FAM13A: variants seen among roughly 807,000 people sequenced by gnomAD.
FAM13A encodes family with sequence similarity 13 member A.
FAM13A carries 76 observed loss-of-function variants against 129.6 expected under a neutral mutation model. The observed-to-expected ratio is 0.59, with a 90% confidence interval of 0.49 to 0.71. FAM13A has a LOEUF of 0.71. FAM13A is among the 30% of genes least tolerant of loss of function. The pLI is 0.00. For synonymous variants in FAM13A, 443 were observed against 449.9 expected (o/e 0.98, Z 0.20); for missense variants, 1,108 against 1,249.3 (o/e 0.89, Z 1.70).
chr4:88,799,457 T>C (rs1726959216), intron 8 of FAM13A, among the ~76,000 whole-genome samples: 2 of 151,646 alleles, frequency 1.3e-5, no homozygotes, highest in South Asian at 2.1e-4. Flanking sequence ...AACGTAGAAC[T>C]ACCATATGCT....
At chr4:88,795,949 A>G (rs1328993253) in intron 8 of FAM13A, among the ~76,000 whole-genome samples, 4 of 151,790 alleles carry the variant, frequency 2.6e-5, no homozygotes, top group Non-Finnish European at 5.9e-5. Context: ...TCTCAAGCTT[A>G]TCAAGAATTT....
intron 21 of FAM13A, among the ~76,000 whole-genome samples, chr4:88,735,238 T>C (rs1044012564): frequency 6.6e-6 from 1 of 152,176 alleles, no homozygotes; most frequent in African/African-American, 2.4e-5. Flanking sequence ...ATGTAATAAA[T>C]TGATAATAGC....
chr4:88,906,424 T>G lies in FAM13A; in HGVS notation c.798A>C (p.Thr266=), dbSNP rs781181661. ...YYKNSLPILL[T]RGLERDMPKP... Reference sequence around the variant, plus strand: ...TTGGCATGTCTCTTTCTAAGCCTCTTGTTAAAAGGATGGGCAGGGAGTTCT... The same window carrying G: ...TTGGCATGTCTCTTTCTAAGCCTCTGGTTAAAAGGATGGGCAGGGAGTTCT... The change falls in exon 6 of 24, where the codon ACA becomes ACC. Residue 266 remains threonine (T), a synonymous_variant. Coordinates refer to ENST00000264344, the MANE Select transcript of FAM13A (RefSeq NM_014883.4). The G allele has an allele frequency of 5.6e-6, 9 of 1,612,172 alleles. No individual in the cohort carries two copies. Among genetic ancestry groups the G allele is most frequent in the Non-Finnish European group, 7.6e-6 (9 of 1,178,984 alleles).
intron 2 of FAM13A, among the ~76,000 whole-genome samples, chr4:89,024,147 A>G (rs935555282): frequency 2.0e-5 from 3 of 152,248 alleles, no homozygotes; most frequent in African/African-American, 7.2e-5. Context: ...TAGTATGAAT[A>G]TTAAAAACAG....
At chr4:89,000,400 T>C (rs1764101375) in intron 3 of FAM13A, among the ~76,000 whole-genome samples, 1 of 152,192 alleles carries the variant, frequency 6.6e-6, no homozygotes, top group Admixed American at 6.5e-5. Context: ...AACATTATGC[T>C]AGATCAAAGA....
rs770919539 is a variant in FAM13A, at chr4:88,851,208, G to C, written c.844-25C>G. 1.2e-5 allele frequency: 19 copies of C among 1,526,782 alleles called. No individual in the cohort carries two copies. In the African/African-American group the frequency reaches 2.4e-4, roughly 19 times the overall value. The allele number at this position is 1,526,782 out of a possible 1,614,324, so 94.6% of individuals were successfully genotyped here. A position where few individuals can be genotyped will look rare whatever the true frequency, so the allele number is the denominator to read the frequency against. ...TCTAGAAGAAAAAAAAAAGAGGGGTGGGGGAGAGCTAGATAAATGTTAAAG... is the reference window on the plus strand; with the variant it reads ...TCTAGAAGAAAAAAAAAAGAGGGGTCGGGGAGAGCTAGATAAATGTTAAAG... On this transcript the variant is annotated intron_variant, in intron 6 of 23. Coordinates refer to ENST00000264344, the MANE Select transcript of FAM13A (RefSeq NM_014883.4).
chr4:88,773,974 G>T (rs1488188951), intron 11 of FAM13A, among the ~76,000 whole-genome samples: 2 of 152,088 alleles, frequency 1.3e-5, no homozygotes, highest in African/African-American at 4.8e-5. Context: ...CCTAAAAATG[G>T]CTATGAAGCT....
chr4:88,920,989 GAAGTTTAGAGAAAAAAGAATAAA>G (rs1324769894), intron 5 of FAM13A, among the ~76,000 whole-genome samples: 1 of 151,960 alleles, frequency 6.6e-6, no homozygotes, highest in Non-Finnish European at 1.5e-5. Context: ...AGCGAGAAGG[GAAGTTTAGAGAAAAAAGAATAAA>G]AAGAAATGAA....
intron 12 of FAM13A, 49 bp downstream of exon 12, chr4:88,767,934 A>T: frequency 8.9e-7 from 1 of 1,128,324 alleles, no homozygotes; most frequent in Admixed American, 1.7e-5. Flanking sequence ...CATGAAAATA[A>T]CCTTTTCCTG....
rs200958000 is a variant in FAM13A at position 88,970,489 on chromosome 4, TATAG to T, written c.605+20480_605+20483del. ...ATAATAATCAGATATATATCAGATA[TATAG>T]ATACACTATATATATTTGATAGATG... On this transcript the variant is annotated intron_variant, in intron 4 of 23. Coordinates refer to ENST00000264344, the MANE Select transcript of FAM13A (RefSeq NM_014883.4). Among the ~76,000 whole-genome samples, 971 of 151,314 alleles carry T rather than the reference TATAG, an allele frequency of 6.4e-3. 15 individuals carry two copies. Among genetic ancestry groups the T allele is most frequent in the African/African-American group, 0.022 (929 of 41,364 alleles).
intron 7 of FAM13A, among the ~76,000 whole-genome samples, chr4:88,825,823 C>T (rs911324877): frequency 1.5e-5 from 1 of 66,010 alleles, no homozygotes; most frequent in Non-Finnish European, 2.4e-5. Flanking sequence ...CATAAAATGT[C>T]AATTTTTTTA....
chr4:88,804,938 G>T (rs757536745), intron 8 of FAM13A, 73 bp downstream of exon 8: 4 of 810,422 alleles, frequency 4.9e-6, no homozygotes, highest in Non-Finnish European at 8.4e-6. Flanking sequence ...AGATTAAAAT[G>T]AGCAAATAAA....
chr4:88,763,339 A>G (rs920298945), intron 13 of FAM13A, among the ~76,000 whole-genome samples: 14 of 152,172 alleles, frequency 9.2e-5, no homozygotes, highest in African/African-American at 3.1e-4. Context: ...TTGAACACAT[A>G]TATGTCCTTG....
chr4:88,754,369 G>A (rs1283329964), intron 14 of FAM13A, among the ~76,000 whole-genome samples: 1 of 152,194 alleles, frequency 6.6e-6, no homozygotes, highest in Non-Finnish European at 1.5e-5. Flanking sequence ...ACATATCTCT[G>A]AGTAACGCTA....
At chr4:88,852,249 C>T (rs1737699341) in intron 6 of FAM13A, among the ~76,000 whole-genome samples, 1 of 151,864 alleles carries the variant, frequency 6.6e-6, no homozygotes, top group South Asian at 2.1e-4. Context: ...GCAACCCCCA[C>T]CTCCTGGGTT....
At chr4:88,794,477 T>G (rs893540463) in intron 8 of FAM13A, among the ~76,000 whole-genome samples, 3 of 151,926 alleles carry the variant, frequency 2.0e-5, no homozygotes, top group African/African-American at 7.2e-5. Flanking sequence ...CACAGATGCC[T>G]GTTGACAAGT....
intron 4 of FAM13A, among the ~76,000 whole-genome samples, chr4:88,940,641 T>C (rs1754595526): frequency 6.6e-6 from 1 of 152,190 alleles, no homozygotes; most frequent in Non-Finnish European, 1.5e-5. Context: ...GGTGTGACTA[T>C]ATAGACTTTT....
intron 19 of FAM13A, among the ~76,000 whole-genome samples, chr4:88,746,261 G>A (rs1053360494): frequency 3.3e-5 from 5 of 152,120 alleles, no homozygotes; most frequent in Non-Finnish European, 7.3e-5. Flanking sequence ...TGACAAGAAG[G>A]GTGTCTGATG....
intron 23 of FAM13A, chr4:88,729,824 T>TA (rs1737251744): frequency 6.6e-6 from 1 of 152,114 alleles, no homozygotes; most frequent in Admixed American, 6.5e-5. Flanking sequence ...TAGAATAATA[T>TA]AAAAAAGGAT....
Sources: allele counts gnomAD v4.1 joint callset (sites outside exome capture counted in the v4.1 genomes callset), GRCh38; gene constraint gnomAD v4.1.1; transcripts MANE v1.5; gene names NCBI Gene and HGNC (gene_info 2026-07-23, HGNC 2026-07-21).